Variants in NHSL2 observed in about 807,000 individuals in gnomAD.
NHSL2 encodes NHS like 2.
A neutral mutation model predicts 53.4 loss-of-function variants in NHSL2; 27 were observed. That is an observed-to-expected ratio of 0.51 (90% confidence interval 0.37 to 0.70). The LOEUF (loss-of-function observed/expected upper bound fraction) is 0.70, where lower values mean the gene tolerates loss of function less well. Among genes scored for constraint, NHSL2 ranks in the 30% least tolerant of loss-of-function variants. The probability of loss-of-function intolerance (pLI) is 0.00; values close to 1 mark genes in which losing one functional copy is unlikely to be tolerated. For synonymous variants in NHSL2, 408 were observed against 404.1 expected, an observed-to-expected ratio of 1.01 and a Z score of -0.12; for missense variants, 892 against 980.1, an observed-to-expected ratio of 0.91 and a Z score of 1.20.
At chrX:71,989,869 G>C (rs761814763) in intron 1 of NHSL2, among the ~76,000 whole-genome samples, 2 of 112,453 alleles carry the variant, frequency 1.8e-5, no homozygotes, top group Non-Finnish European at 3.8e-5. Context: ...TCTCTACCTC[G>C]TGGCTCGGGC....
chrX:71,991,757 G>C (rs2042027395), intron 1 of NHSL2, among the ~76,000 whole-genome samples: 1 of 111,989 alleles, frequency 8.9e-6, no homozygotes, highest in Non-Finnish European at 1.9e-5. Context: ...TGAATGAGGG[G>C]TGTGTGCTAG....
intron 1 of NHSL2, among the ~76,000 whole-genome samples, chrX:72,005,119 T>C (rs959758134): frequency 8.9e-6 from 1 of 111,846 alleles, no homozygotes; most frequent in African/African-American, 3.3e-5. Context: ...TGAATGAGTA[T>C]CTATATTAAT....
chrX:71,942,979 TG>T (rs2041775268), intron 1 of NHSL2, among the ~76,000 whole-genome samples: 1 of 26,511 alleles, frequency 3.8e-5, no homozygotes, highest in African/African-American at 7.1e-5. Flanking sequence ...TCTCTGTGTG[TG>T]TGTGTGTGTG....
At chrX:71,977,307 T>G (rs1205867995) in intron 1 of NHSL2, among the ~76,000 whole-genome samples, 1 of 112,137 alleles carries the variant, frequency 8.9e-6, no homozygotes, top group Admixed American at 9.5e-5. Context: ...TTAAATAAAA[T>G]AGTACATGAA....
At chrX:72,118,521 G>A (rs2042158378) in intron 1 of NHSL2, among the ~76,000 whole-genome samples, 1 of 111,365 alleles carries the variant, frequency 9.0e-6, no homozygotes, top group African/African-American at 3.3e-5. Context: ...GAACTCTTGG[G>A]CTCAAGCAAT....
chrX:72,057,072 A>G (rs973303893), intron 1 of NHSL2, among the ~76,000 whole-genome samples: 5 of 112,180 alleles, frequency 4.5e-5, no homozygotes, highest in Non-Finnish European at 1.9e-5. Context: ...GCAAAGCCAG[A>G]CATCCCTGCC....
chrX:71,921,708 C>T (rs1010034693), intron 1 of NHSL2, among the ~76,000 whole-genome samples: 3 of 111,605 alleles, frequency 2.7e-5, no homozygotes, highest in Non-Finnish European at 5.6e-5. Flanking sequence ...ATAACGACTC[C>T]ACTATGCACG....
intron 1 of NHSL2, among the ~76,000 whole-genome samples, chrX:72,093,725 T>TTGCTTGCTTGCTTG (rs1569479425): frequency 0.025 from 1,355 of 53,974 alleles, 24 homozygotes; most frequent in African/African-American, 0.054. Context: ...TTGCTTGCTT[T>TTGCTTGCTTGCTTG]CTTTCTTTCT....
At chrX:71,972,038 C>CT (rs1443127347) in intron 1 of NHSL2, among the ~76,000 whole-genome samples, 60 of 105,401 alleles carry the variant, frequency 5.7e-4, no homozygotes, top group East Asian at 8.8e-4. Flanking sequence ...CTTTATTTTA[C>CT]TTTTTTTTTT....
At chrX:72,052,167 G>T (rs1248377007) in intron 1 of NHSL2, among the ~76,000 whole-genome samples, 1 of 112,263 alleles carries the variant, frequency 8.9e-6, no homozygotes, top group Non-Finnish European at 1.9e-5. Context: ...GGTGCTGAGT[G>T]GTGGCTGAGC....
chrX:72,144,615 G>A lies in NHSL2; in HGVS notation c.*1041G>A, dbSNP rs964175617. 1.4e-4 allele frequency: 127 copies of A among 878,104 alleles called. No individual in the cohort carries two copies. Among genetic ancestry groups the A allele is most frequent in the Middle Eastern group, 6.4e-4 (2 of 3,134 alleles). 72.4% of individuals were successfully genotyped at this position (878,104 alleles called of 1,213,427 possible). A position where few individuals can be genotyped will look rare whatever the true frequency, so the allele number is the denominator to read the frequency against. On this transcript the variant is annotated 3_prime_UTR_variant, in exon 8 of 8. Transcript: ENST00000633930. Reference sequence around the variant, plus strand: ...GTTTGGTTTTGTTTAAAGGAAGTCCGACTCTGTTCCAAAAACCAAGAACAT... The same window carrying A: ...GTTTGGTTTTGTTTAAAGGAAGTCCAACTCTGTTCCAAAAACCAAGAACAT...
At chrX:72,090,675 C>CA (rs773051622) in intron 1 of NHSL2, among the ~76,000 whole-genome samples, 29 of 110,968 alleles carry the variant, frequency 2.6e-4, no homozygotes, top group Non-Finnish European at 4.7e-4. Context: ...CCTAACCCCC[C>CA]ATCCCCACTT....
intron 1 of NHSL2, among the ~76,000 whole-genome samples, chrX:71,926,456 T>C (rs1253893053): frequency 9.0e-6 from 1 of 111,485 alleles, no homozygotes. Flanking sequence ...ACCTTAACTG[T>C]ATTTTAGAAT....
intron 1 of NHSL2, among the ~76,000 whole-genome samples, chrX:71,963,974 C>CACACAT (rs1556312124): frequency 2.1e-5 from 1 of 47,968 alleles, no homozygotes; most frequent in Admixed American, 3.5e-4. Flanking sequence ...TATATATATA[C>CACACAT]ATATATATAT....
At chrX:72,027,919 G>A (rs1325657653) in intron 1 of NHSL2, among the ~76,000 whole-genome samples, 2 of 111,591 alleles carry the variant, frequency 1.8e-5, no homozygotes. Flanking sequence ...CTCCACCCTC[G>A]TGAGTTGCCT....
At chrX:71,963,989 A>ATATG (rs1156586950) in intron 1 of NHSL2, among the ~76,000 whole-genome samples, 5 of 55,603 alleles carry the variant, frequency 9.0e-5, no homozygotes, top group Non-Finnish European at 1.4e-4. Flanking sequence ...ATATATATAT[A>ATATG]TATGTATATA....
chrX:71,993,664 C>A (rs1434321773), intron 1 of NHSL2, among the ~76,000 whole-genome samples: 1 of 111,404 alleles, frequency 9.0e-6, no homozygotes, highest in South Asian at 3.8e-4. Context: ...TCTTTAGCAG[C>A]AGGACTTTTG....
At chrX:72,133,026 G>C (rs2042321628) in intron 2 of NHSL2, among the ~76,000 whole-genome samples, 1 of 112,607 alleles carries the variant, frequency 8.9e-6, no homozygotes, top group African/African-American at 3.2e-5. Context: ...AAGATGCCAA[G>C]GGACACCATG....
intron 1 of NHSL2, among the ~76,000 whole-genome samples, chrX:72,098,442 G>C (rs1461896845): frequency 1.8e-5 from 2 of 110,448 alleles, no homozygotes; most frequent in Non-Finnish European, 3.8e-5. Context: ...TTAGCCGGGC[G>C]TGGTGGCGGG....
Sources: gnomAD v4.1 joint callset for allele counts (sites outside exome capture counted in the v4.1 genomes callset) on GRCh38, gnomAD v4.1.1 for gene constraint, MANE v1.5 for transcripts, NCBI Gene and HGNC (gene_info 2026-07-23, HGNC 2026-07-21) for gene names.